ZNF480: variants seen among roughly 807,000 people sequenced by gnomAD.
ZNF480 encodes the protein zinc finger protein 480.
A neutral mutation model predicts 14.4 loss-of-function variants in ZNF480; 15 were observed. The observed-to-expected ratio is 1.04, with a 90% CI of 0.70 to 1.60. ZNF480 has a LOEUF of 1.60. ZNF480 is among the 40% of genes most tolerant of loss of function. The pLI, the probability that ZNF480 is intolerant of heterozygous loss-of-function variation, is 0.00. For missense variants in ZNF480, 593 were observed against 629.7 expected, an observed-to-expected ratio of 0.94 and a Z score of 0.62; for synonymous variants, 218 against 215.5, an observed-to-expected ratio of 1.01 and a Z score of -0.10.
intron 4 of ZNF480, 75 bp from the exon 5 acceptor site, chr19:52,321,504 T>G: frequency 7.9e-7 from 1 of 1,266,506 alleles, no homozygotes; most frequent in Non-Finnish European, 1.1e-6. Flanking sequence ...ATGAGGCAGA[T>G]TCTAGTATTT....
chr19:52,320,379 G>A (rs1033887762), intron 4 of ZNF480, among the ~76,000 whole-genome samples: 17 of 152,144 alleles, frequency 1.1e-4, no homozygotes, highest in African/African-American at 3.4e-4. Context: ...AGGGCCAGGT[G>A]CAGTGCCTCA....
intron 1 of ZNF480, chr19:52,297,669 G>A (rs139150872): frequency 6.2e-6 from 1 of 162,348 alleles, no homozygotes; most frequent in African/African-American, 2.4e-5. Context: ...TCTTGATCCA[G>A]ACCCTACCTT....
rs1023612573 is a variant in ZNF480 at position 52,301,975 on chromosome 19, A to C, written c.72+1491A>C. 3 of 166,406 alleles carry C rather than the reference A, an allele frequency of 1.8e-5. No homozygotes were observed. In the South Asian group the frequency reaches 4.9e-4, roughly 27 times the overall value. The allele number at this position is 166,406 out of a possible 1,614,324, so 10.3% of individuals were successfully genotyped here. A position where few individuals can be genotyped will look rare whatever the true frequency, so the allele number is the denominator to read the frequency against. On this transcript the variant is annotated intron_variant, in intron 2 of 4. Transcript: ENST00000595962. Reference sequence around the variant, plus strand: ...GATTAGGGAGATCAAGTTTTAAATCACTTACTCCAAACAGAAAAGGAGGCC... The same window carrying C: ...GATTAGGGAGATCAAGTTTTAAATCCCTTACTCCAAACAGAAAAGGAGGCC...
rs147055132 is a variant in ZNF480, at chr19:52,321,855, C to G, written c.605C>G (p.Pro202Arg). 9 of 1,614,134 alleles carry G rather than the reference C, an allele frequency of 5.6e-6. No homozygotes were observed. The African/African-American group carries it at 9.3e-5, about 17-fold the overall frequency. The change falls in exon 5 of 5, where the codon CCT (proline) becomes CGT (arginine). Residue 202 changes from proline (P) to arginine (R), a missense_variant. Physicochemically the swap from Pro to Arg is moderately radical, Grantham distance 103 (BLOSUM62 -2). Transcript: ENST00000595962. ...CAGAAAGTACACCTTAGAGAAAAACCTTATGAATGTAATGAGCATAGCAAA... is the reference window on the plus strand; with the variant it reads ...CAGAAAGTACACCTTAGAGAAAAACGTTATGAATGTAATGAGCATAGCAAA... ...QEQKVHLREK[P>R]YECNEHSKVF...
In ZNF480 at chr19:52,323,100, C is replaced by A; in HGVS notation, c.*242C>A. 1 of 363,494 alleles carries A rather than the reference C, an allele frequency of 2.8e-6. No individual in the cohort carries two copies. The highest frequency in any genetic ancestry group is 8.9e-5 in the South Asian group (1 of 11,284). 22.5% of individuals were successfully genotyped at this position (363,494 alleles called of 1,614,324 possible). On this transcript the variant is annotated 3_prime_UTR_variant, in exon 5 of 5. Coordinates refer to ENST00000595962, the MANE Select transcript of ZNF480 (RefSeq NM_144684.4). Reference sequence around the variant, plus strand: ...CTTGCAAAAGGAGATCTAAAAAACACAATCAGAAATGACAAAGGGGACATT... The same window carrying A: ...CTTGCAAAAGGAGATCTAAAAAACAAAATCAGAAATGACAAAGGGGACATT...
At position 52,313,066 on chromosome 19, in the gene ZNF480, C is replaced by G. The variant is rs533015198; in HGVS notation, c.73-1087C>G. On this transcript the variant is annotated intron_variant, in intron 2 of 4. Transcript: ENST00000595962. ...GAACTCCTGACCTCAAGTGATCTGCCCTCCTCGGCCTCCCAAAATGGTGGG... is the reference window on the plus strand; with the variant it reads ...GAACTCCTGACCTCAAGTGATCTGCGCTCCTCGGCCTCCCAAAATGGTGGG... Among the ~76,000 whole-genome samples, 264 of 151,756 alleles carry G rather than the reference C, an allele frequency of 1.7e-3. 3 individuals carry two copies. The highest frequency in any genetic ancestry group is 6.1e-3 in the African/African-American group (254 of 41,394).
chr19:52,312,176 CTGTT>C (rs1487193578), intron 2 of ZNF480, among the ~76,000 whole-genome samples: 8 of 146,844 alleles, frequency 5.4e-5, no homozygotes, highest in African/African-American at 1.0e-4. Context: ...GACAGAGTCT[CTGTT>C]TGTCACCAGG....
chr19:52,299,756 T>C (rs1284850847), intron 1 of ZNF480, among the ~76,000 whole-genome samples: 1 of 152,152 alleles, frequency 6.6e-6, no homozygotes, highest in Non-Finnish European at 1.5e-5. Flanking sequence ...TGCAATGGCA[T>C]GATCTCAGCT....
rs1387680220 is a variant in ZNF480, at chr19:52,323,800, T to TA, written c.*943dup. On this transcript the variant is annotated 3_prime_UTR_variant, in exon 5 of 5. Transcript: ENST00000595962. The stretch of plus-strand genomic sequence containing the variant: ...CAACAAATTACACATTGAGGGAACA[T>TA]ACTTCAATAAGAACCATCTATGCTG... 2 of 152,154 alleles carry TA rather than the reference T, an allele frequency of 1.3e-5. No homozygotes were observed. Among genetic ancestry groups the TA allele is most frequent in the Admixed American group, 1.3e-4 (2 of 15,258 alleles). 9.4% of individuals were successfully genotyped at this position (152,154 alleles called of 1,614,324 possible).
intron 3 of ZNF480, 80 bp downstream of exon 3, chr19:52,314,359 C>T (rs1026479111): frequency 4.5e-6 from 6 of 1,345,744 alleles, no homozygotes; most frequent in Non-Finnish European, 3.9e-6. Context: ...CCTGGGAGCC[C>T]CTGCATTGTT....
At chr19:52,297,598 C>T (rs1216014585) in intron 1 of ZNF480, among the ~76,000 whole-genome samples, 3 of 152,172 alleles carry the variant, frequency 2.0e-5, no homozygotes, top group African/African-American at 7.2e-5. Flanking sequence ...GCGCTCCAAT[C>T]TCAATCCAGG....
intron 2 of ZNF480, among the ~76,000 whole-genome samples, chr19:52,303,308 T>G (rs536473115): frequency 6.6e-6 from 1 of 152,342 alleles, no homozygotes; most frequent in East Asian, 1.9e-4. Flanking sequence ...TTTTAAAAAT[T>G]GAAATAATTT....
chr19:52,317,753 A>T (rs1316432336), intron 4 of ZNF480, among the ~76,000 whole-genome samples: 3 of 152,210 alleles, frequency 2.0e-5, no homozygotes, highest in African/African-American at 2.4e-5. Flanking sequence ...AGAAAATGTC[A>T]TACTTGTTTC....
intron 3 of ZNF480, 58 bp from the exon 4 acceptor site, chr19:52,315,776 A>G (rs1303238012): frequency 1.3e-6 from 2 of 1,559,682 alleles, no homozygotes; most frequent in African/African-American, 1.4e-5. Flanking sequence ...CTTCCTACAC[A>G]TAGGGCTTGG....
At position 52,323,687 on chromosome 19, in the gene ZNF480, AAAAAC is replaced by A. The variant is rs1490750707; in HGVS notation, c.*834_*838del. 1.3e-5 allele frequency: 2 copies of A among 152,192 alleles called. No homozygotes were observed. Among genetic ancestry groups the A allele is most frequent in the African/African-American group, 4.8e-5 (2 of 41,450 alleles). The allele number at this position is 152,192 out of a possible 1,614,324, so 9.4% of individuals were successfully genotyped here. A position where few individuals can be genotyped will look rare whatever the true frequency, so the allele number is the denominator to read the frequency against. ...TGTGATTTATCACATACACAGAACT[AAAAAC>A]AAAAACCACATGACCATGATCATCT... On this transcript the variant is annotated 3_prime_UTR_variant, in exon 5 of 5. Coordinates refer to ENST00000595962, the MANE Select transcript of ZNF480 (RefSeq NM_144684.4).
intron 4 of ZNF480, among the ~76,000 whole-genome samples, chr19:52,316,929 G>C (rs1173983068): frequency 1.3e-5 from 2 of 152,196 alleles, no homozygotes; most frequent in Non-Finnish European, 1.5e-5. Flanking sequence ...CTGTACCACA[G>C]TTTGTTTAAC....
In ZNF480 at chr19:52,322,808, T is replaced by C. The variant is rs1983909690; in HGVS notation, c.1558T>C (p.Phe520Leu). ...CAAATGTAATGAGTGTGGCAAGGCCTTTAGTCGCATTTCATACCTAGCACA... is the reference window on the plus strand; with the variant it reads ...CAAATGTAATGAGTGTGGCAAGGCCCTTAGTCGCATTTCATACCTAGCACA... ...PYKCNECGKAFSRISYLAQHW... is the reference protein window; with the variant it reads ...PYKCNECGKALSRISYLAQHW... Residue 520 changes from phenylalanine to leucine, a missense_variant, in exon 5 of 5, where the codon TTT becomes CTT. Phe to Leu is a conservative substitution (Grantham distance 22). Transcript: ENST00000595962. 12 of 1,608,542 alleles carry C rather than the reference T, an allele frequency of 7.5e-6. No homozygotes were observed. The East Asian group carries it at 2.7e-4, about 36-fold the overall frequency.
intron 1 of ZNF480, among the ~76,000 whole-genome samples, chr19:52,298,503 C>G (rs981817352): frequency 2.0e-5 from 3 of 151,990 alleles, no homozygotes. Flanking sequence ...CGTCAGCGCG[C>G]GCGTGTAATC....
chr19:52,315,720 G>T, intron 3 of ZNF480, 114 bp from the exon 4 acceptor site: 1 of 1,291,814 alleles, frequency 7.7e-7, no homozygotes, highest in African/African-American at 1.5e-5. Flanking sequence ...GTCTATGGAT[G>T]AATTTGTGAA....
Sources: allele counts gnomAD v4.1 joint callset (sites outside exome capture counted in the v4.1 genomes callset), GRCh38; gene constraint gnomAD v4.1.1; transcripts MANE v1.5; gene names NCBI Gene and HGNC (gene_info 2026-07-23, HGNC 2026-07-21).